Variants in C1orf141 observed in about 807,000 individuals in gnomAD.
C1orf141 encodes the protein chromosome 1 open reading frame 141.
Under a neutral mutation model 23.2 loss-of-function variants are expected in C1orf141, and 19 were observed. That is an observed-to-expected ratio of 0.82 (90% CI 0.57 to 1.20). The LOEUF is 1.20. Among genes scored for constraint, C1orf141 ranks in the 50% most tolerant of loss-of-function variants. The probability of loss-of-function intolerance (pLI) is 0.00; values close to 1 mark genes in which losing one functional copy is unlikely to be tolerated. For synonymous variants in C1orf141, 153 were observed against 154.6 expected, an observed-to-expected ratio of 0.99 and a Z score of 0.08; for missense variants, 469 against 455.1, an observed-to-expected ratio of 1.03 and a Z score of -0.28.
intron 5 of C1orf141, chr1:67,102,854 TG>T (rs1185846868): frequency 1.3e-5 from 2 of 153,386 alleles, no homozygotes; most frequent in Non-Finnish European, 2.9e-5. Flanking sequence ...ATGGACTTCT[TG>T]TTTTTTTTTT....
upstream of C1orf141, among the ~76,000 whole-genome samples, chr1:67,136,443 G>A (rs1646585819): frequency 6.6e-6 from 1 of 152,154 alleles, no homozygotes; most frequent in South Asian, 2.1e-4. Context: ...GTGGTGATTT[G>A]TCTAAGATTG....
At chr1:67,130,064 G>C (rs901611229) in intron 2 of C1orf141, among the ~76,000 whole-genome samples, 2 of 152,150 alleles carry the variant, frequency 1.3e-5, no homozygotes, top group African/African-American at 4.8e-5. Context: ...ATTTCTTACA[G>C]GACAATAGGG....
At chr1:67,102,506 C>A (rs577559957) in intron 5 of C1orf141, 4 of 151,784 alleles carry the variant, frequency 2.6e-5, no homozygotes, top group Admixed American at 6.6e-5. Flanking sequence ...TTTTTTCATT[C>A]TTACCAAGGC....
At chr1:67,097,001 C>A (rs1257036340) in intron 5 of C1orf141, among the ~76,000 whole-genome samples, 1 of 152,258 alleles carries the variant, frequency 6.6e-6, no homozygotes, top group Admixed American at 6.5e-5. Context: ...TAACCCCCTC[C>A]AAGCACAACA....
upstream of C1orf141, among the ~76,000 whole-genome samples, chr1:67,135,940 A>G (rs1263368519): frequency 1.4e-5 from 2 of 141,250 alleles, no homozygotes; most frequent in African/African-American, 5.2e-5. Context: ...ATAGTTATGT[A>G]GCAATCCAAA....
intron 4 of C1orf141, among the ~76,000 whole-genome samples, chr1:67,125,534 T>TA (rs1029685312): frequency 1.8e-4 from 28 of 152,090 alleles, no homozygotes; most frequent in African/African-American, 6.3e-4. Flanking sequence ...CCCATCTCTA[T>TA]AAAAAATACA....
At chr1:67,139,391 T>C (rs1001356981), upstream of C1orf141, among the ~76,000 whole-genome samples, 2 of 152,142 alleles carry the variant, frequency 1.3e-5, no homozygotes, top group Non-Finnish European at 2.9e-5. Flanking sequence ...GTTCATTATG[T>C]TTCTATGCCT....
chr1:67,095,444 G>A lies in C1orf141; in HGVS notation c.417-23C>T, dbSNP rs987642980. 30 of 1,399,776 alleles carry A rather than the reference G, an allele frequency of 2.1e-5. No individual in the cohort carries two copies. The Middle Eastern group carries it at 1.8e-3, about 83-fold the overall frequency. 86.7% of individuals were successfully genotyped at this position (1,399,776 alleles called of 1,614,324 possible). A position where few individuals can be genotyped will look rare whatever the true frequency, so the allele number is the denominator to read the frequency against. On this transcript the variant is annotated intron_variant, in intron 6 of 7. Coordinates refer to ENST00000684719, the MANE Select transcript of C1orf141 (RefSeq NM_001276351.2). Reference sequence around the variant, plus strand: ...TTTCTGAAAATAAACACAGTTCAGGGTAGTGTTCATGGGGCTGATTACAGC... The same window carrying A: ...TTTCTGAAAATAAACACAGTTCAGGATAGTGTTCATGGGGCTGATTACAGC...
Position 67,141,228 on chromosome 1 carries a change from A to G in C1orf141, c.-103-10001T>C, listed in dbSNP as rs75995030. The stretch of plus-strand genomic sequence containing the variant: ...AATAAAACATCCTCAAAAGATAGTT[A>G]TCTTAGGGTGGTAAAGTATATCTTG... On this transcript the variant is annotated intron_variant, in intron 1 of 7. Coordinates refer to the C1orf141 transcript ENST00000371007. 9.8e-3 allele frequency among the ~76,000 whole-genome samples: 1,489 copies of G among 152,332 alleles called. 26 individuals are homozygous for G. The highest frequency in any genetic ancestry group is 0.033 in the African/African-American group (1,381 of 41,576).
At chr1:67,137,594 A>G (rs1381116778), upstream of C1orf141, among the ~76,000 whole-genome samples, 1 of 152,214 alleles carries the variant, frequency 6.6e-6, no homozygotes, top group Non-Finnish European at 1.5e-5. Context: ...TGGAGTGGCC[A>G]GTCCCTACTC....
rs76940987 is a variant in C1orf141 at position 67,109,517 on chromosome 1, T to C, written c.346+5835A>G. Among the ~76,000 whole-genome samples, 770 of 152,112 alleles carry C rather than the reference T, an allele frequency of 5.1e-3. 14 individuals carry two copies. The highest frequency in any genetic ancestry group is 0.027 in the East Asian group (142 of 5,164). On this transcript the variant is annotated intron_variant, in intron 5 of 7. Transcript: ENST00000684719. ...GAACATTGGAATGGATTACACACAATAGAGAGAATGAATAAAAAACTTGAT... is the reference window on the plus strand; with the variant it reads ...GAACATTGGAATGGATTACACACAACAGAGAGAATGAATAAAAAACTTGAT...
intron 4 of C1orf141, among the ~76,000 whole-genome samples, chr1:67,119,504 C>A (rs934024939): frequency 1.3e-5 from 2 of 152,050 alleles, no homozygotes; most frequent in African/African-American, 2.4e-5. Flanking sequence ...GAAAAAGGAA[C>A]CAGAAGTTAA....
intron 5 of C1orf141, among the ~76,000 whole-genome samples, chr1:67,106,670 A>G (rs1645934659): frequency 6.6e-6 from 1 of 152,174 alleles, no homozygotes. Context: ...AAACAAAAAC[A>G]GAAACCAGCC....
chr1:67,093,776 A>T, intron 7 of C1orf141, 172 bp from the exon 8 acceptor site: 1 of 435,098 alleles, frequency 2.3e-6, no homozygotes, highest in Non-Finnish European at 4.0e-6. Flanking sequence ...ACTTGTATGT[A>T]ACATACATCC....
chr1:67,104,198 T>G (rs1223620885), intron 5 of C1orf141, among the ~76,000 whole-genome samples: 1 of 151,694 alleles, frequency 6.6e-6, no homozygotes, highest in Non-Finnish European at 1.5e-5. Flanking sequence ...GAGGAAGAGT[T>G]TAAAAAGGGA....
rs1645606194 is a variant in C1orf141, at chr1:67,093,766, A to G, written c.604-162T>C. ...TTATTCAAATACATGAAAATACTGT[A>G]CTTGTATGTAACATACATCCTTCTT... On this transcript the variant is annotated intron_variant, in intron 7 of 7. Transcript: ENST00000684719. 8.3e-6 allele frequency: 4 copies of G among 479,802 alleles called. No individual in the cohort carries two copies. The East Asian group carries it at 1.0e-4, about 12-fold the overall frequency. 29.7% of individuals were successfully genotyped at this position (479,802 alleles called of 1,614,324 possible).
At chr1:67,120,446 G>A (rs758943997) in intron 4 of C1orf141, among the ~76,000 whole-genome samples, 22 of 152,166 alleles carry the variant, frequency 1.4e-4, no homozygotes, top group Admixed American at 1.0e-3. Context: ...TGTAAATTTG[G>A]GGGGGACAGG....
upstream of C1orf141, among the ~76,000 whole-genome samples, chr1:67,137,353 C>T: frequency 6.6e-6 from 1 of 152,178 alleles, no homozygotes; most frequent in East Asian, 1.9e-4. Flanking sequence ...TTTTATTGTC[C>T]TCTTCCTGTG....
At chr1:67,134,563 C>G (rs1370874489) in intron 1 of C1orf141, among the ~76,000 whole-genome samples, 2 of 152,232 alleles carry the variant, frequency 1.3e-5, no homozygotes, top group African/African-American at 4.8e-5. Context: ...GAGTCACCTT[C>G]CCCCAGGTGC....
Sources: gnomAD v4.1 joint callset for allele counts (sites outside exome capture counted in the v4.1 genomes callset) on GRCh38, gnomAD v4.1.1 for gene constraint, MANE v1.5 for transcripts, NCBI Gene and HGNC (gene_info 2026-07-23, HGNC 2026-07-21) for gene names.